HIKESHI: variants seen among roughly 807,000 people sequenced by gnomAD.
HIKESHI encodes protein Hikeshi.
In HIKESHI, 13 loss-of-function variants were observed where a neutral mutation model predicts 25.7. The ratio of observed to expected loss-of-function variants is 0.51; its 90% CI spans 0.33 to 0.80. The LOEUF is 0.80. HIKESHI is among the 30% of genes least tolerant of loss of function. The probability of loss-of-function intolerance (pLI) is 0.02; values close to 1 mark genes in which losing one functional copy is unlikely to be tolerated. For missense variants in HIKESHI, 174 were observed against 229.5 expected, an observed-to-expected ratio of 0.76 and a Z score of 1.56; for synonymous variants, 76 against 78.7, an observed-to-expected ratio of 0.97 and a Z score of 0.18.
chr11:86,303,850 A>T (rs2138275309), intron 1 of HIKESHI, among the ~76,000 whole-genome samples: 1 of 152,238 alleles, frequency 6.6e-6, no homozygotes, highest in African/African-American at 2.4e-5. Context: ...ACCTTTTCTT[A>T]ATGTCAAAAA....
chr11:86,338,749 T>TC (rs1406466801), intron 3 of HIKESHI, among the ~76,000 whole-genome samples: 2 of 152,170 alleles, frequency 1.3e-5, no homozygotes, highest in Non-Finnish European at 2.9e-5. Flanking sequence ...ATGTTTTTTT[T>TC]CCCATAATTT....
intron 4 of HIKESHI, chr11:86,345,020 T>A (rs1236807249): frequency 4.7e-6 from 3 of 637,396 alleles, no homozygotes; most frequent in African/African-American, 1.9e-5. Context: ...GTACCATCTA[T>A]GAGAGTAGTT....
chr11:86,312,415 A>G (rs1481811122), intron 2 of HIKESHI, among the ~76,000 whole-genome samples: 2 of 152,110 alleles, frequency 1.3e-5, no homozygotes, highest in Non-Finnish European at 2.9e-5. Flanking sequence ...TTTGCTTGGT[A>G]GATCTTCCTC....
At chr11:86,318,303 C>CAA (rs71040230) in intron 2 of HIKESHI, among the ~76,000 whole-genome samples, 2,906 of 35,604 alleles carry the variant, frequency 0.082, 473 homozygotes, top group Middle Eastern at 0.19. Flanking sequence ...GACTCCGTCT[C>CAA]AAAAAAAAAA....
At chr11:86,314,482 G>A (rs1010680853) in intron 2 of HIKESHI, among the ~76,000 whole-genome samples, 20 of 152,254 alleles carry the variant, frequency 1.3e-4, no homozygotes, top group Non-Finnish European at 2.1e-4. Flanking sequence ...AGGCATGGTG[G>A]CATGTGCCTG....
At chr11:86,314,429 A>G (rs1020212212) in intron 2 of HIKESHI, among the ~76,000 whole-genome samples, 1 of 152,140 alleles carries the variant, frequency 6.6e-6, no homozygotes, top group Non-Finnish European at 1.5e-5. Context: ...AGCCTAAACA[A>G]CATGGTGGAA....
chr11:86,319,985 A>C (rs981979981), intron 2 of HIKESHI, among the ~76,000 whole-genome samples: 1 of 152,106 alleles, frequency 6.6e-6, no homozygotes, highest in Non-Finnish European at 1.5e-5. Context: ...ATAAACTTGC[A>C]TATCTACTGT....
chr11:86,328,032 A>G (rs926620269), intron 2 of HIKESHI, among the ~76,000 whole-genome samples: 7 of 152,208 alleles, frequency 4.6e-5, no homozygotes, highest in African/African-American at 1.2e-4. Context: ...CTAATAGAGC[A>G]TATCCCTGCC....
At chr11:86,319,238 A>ATTTTTTTTT (rs1246298090) in intron 2 of HIKESHI, among the ~76,000 whole-genome samples, 5 of 83,002 alleles carry the variant, frequency 6.0e-5, no homozygotes, top group African/African-American at 1.0e-4. Context: ...ATATATATAT[A>ATTTTTTTTT]TATATTTTTT....
chr11:86,306,138 G>C (rs1946616898), intron 1 of HIKESHI, 107 bp from the exon 2 acceptor site: 1 of 732,544 alleles, frequency 1.4e-6, no homozygotes, highest in Non-Finnish European at 2.3e-6. Flanking sequence ...CTATTTGGTA[G>C]AAAGACTATA....
chr11:86,307,548 ATATAT>A (rs1226022013), intron 2 of HIKESHI, among the ~76,000 whole-genome samples: 5 of 105,592 alleles, frequency 4.7e-5, no homozygotes, highest in African/African-American at 2.0e-4. Context: ...TATATATCAA[ATATAT>A]TATGTGTAGT....
intron 3 of HIKESHI, among the ~76,000 whole-genome samples, chr11:86,340,596 G>GATGT (rs1555187325): frequency 6.6e-6 from 1 of 151,508 alleles, no homozygotes; most frequent in Non-Finnish European, 1.5e-5. Flanking sequence ...TTTTGATGGG[G>GATGT]TTGTTTTTTT....
chr11:86,316,754 A>G (rs1946990300), intron 2 of HIKESHI, among the ~76,000 whole-genome samples: 1 of 143,000 alleles, frequency 7.0e-6, no homozygotes, highest in African/African-American at 2.6e-5. Flanking sequence ...GTTTATGAGT[A>G]ATGAATCTGA....
intron 2 of HIKESHI, among the ~76,000 whole-genome samples, chr11:86,316,856 C>A (rs1946998261): frequency 7.7e-6 from 1 of 130,356 alleles, no homozygotes; most frequent in African/African-American, 2.9e-5. Context: ...TGCAGTGGCA[C>A]AGTCTCGGCT....
chr11:86,325,280 T>G (rs543512151), intron 2 of HIKESHI, among the ~76,000 whole-genome samples: 3 of 152,214 alleles, frequency 2.0e-5, no homozygotes, highest in Admixed American at 6.6e-5. Context: ...CAGAACAGTT[T>G]TTGTTGGAGA....
Position 86,302,411 on chromosome 11 carries a change from C to T in HIKESHI, c.-38C>T. 3 of 1,551,406 alleles carry T rather than the reference C, an allele frequency of 1.9e-6. No homozygotes were observed. The highest frequency in any genetic ancestry group is 1.4e-5 in the African/African-American group (1 of 73,196). On this transcript the variant is annotated 5_prime_UTR_variant, in exon 1 of 5. Coordinates refer to ENST00000278483, the MANE Select transcript of HIKESHI (RefSeq NM_016401.4). ...TAGCCCCAGGACTCCTAGTCGCCGG[C>T]TTCAGGTCACTGCCGGCTGAACGGA...
chr11:86,303,983 T>G (rs1456252771), intron 1 of HIKESHI, among the ~76,000 whole-genome samples: 2 of 152,228 alleles, frequency 1.3e-5, no homozygotes, highest in African/African-American at 2.4e-5. Context: ...CCATGCTTTT[T>G]AGGTTATATG....
At chr11:86,316,260 C>T (rs1367098329) in intron 2 of HIKESHI, among the ~76,000 whole-genome samples, 1 of 151,940 alleles carries the variant, frequency 6.6e-6, no homozygotes, top group Admixed American at 6.6e-5. Flanking sequence ...CCTGTAATCC[C>T]AACACTTTGG....
At chr11:86,316,771 CTTTTTTTT>C (rs71040229) in intron 2 of HIKESHI, among the ~76,000 whole-genome samples, 29 of 68,762 alleles carry the variant, frequency 4.2e-4, no homozygotes, top group Non-Finnish European at 4.8e-4. Context: ...CTGAAACATT[CTTTTTTTT>C]TTTTTTTTTT....
Sources: allele counts gnomAD v4.1 joint callset (sites outside exome capture counted in the v4.1 genomes callset), GRCh38; gene constraint gnomAD v4.1.1; transcripts MANE v1.5; gene names NCBI Gene and HGNC (gene_info 2026-07-23, HGNC 2026-07-21).